The following ZNF518A variants were observed in gnomAD, a reference collection of about 807,000 sequenced individuals.
ZNF518A encodes zinc finger protein 518A.
Under a neutral mutation model 102.7 loss-of-function variants are expected in ZNF518A, and 47 were observed. The observed-to-expected ratio is 0.46, with a 90% CI of 0.36 to 0.58. The LOEUF (loss-of-function observed/expected upper bound fraction) is 0.58. ZNF518A is among the 20% of genes least tolerant of loss of function. The pLI is 0.00. For synonymous variants in ZNF518A, 652 were observed against 594.6 expected (o/e 1.10, Z -1.40); for missense variants, 1,793 against 1,699.8 (o/e 1.05, Z -0.96).
chr10:96,176,748 T>C (rs2083206736), intron 1 of ZNF518A, among the ~76,000 whole-genome samples: 1 of 150,410 alleles, frequency 6.6e-6, no homozygotes, highest in Admixed American at 6.6e-5. Flanking sequence ...ATACAAAAAT[T>C]AGCTGGGCGT....
intron 1 of ZNF518A, chr10:96,189,235 G>A (rs2083292787): frequency 1.8e-5 from 7 of 378,674 alleles, no homozygotes; most frequent in Non-Finnish European, 3.5e-5. Flanking sequence ...ATGGAACCTG[G>A]ACAACATTTA....
chr10:96,184,754 C>G (rs1041871945), intron 1 of ZNF518A, among the ~76,000 whole-genome samples: 1 of 152,136 alleles, frequency 6.6e-6, no homozygotes, highest in Non-Finnish European at 1.5e-5. Context: ...TCATTTCAAC[C>G]TTGGTGAATC....
In ZNF518A at chr10:96,158,755, T is replaced by G; in HGVS notation, c.2433T>G (p.Leu811=). Residue 811 remains leucine (L), a synonymous_variant, in exon 6 of 6, where the codon CTT becomes CTG. Transcript: ENST00000316045. ...SSNTPNKGLP[L]HCDQSFQKHE... ...ACACTCCAAATAAAGGCTTGCCACT[T>G]CATTGTGACCAGTCATTTCAAAAAC... 6.2e-7 allele frequency: 1 copy of G among 1,613,330 alleles called. No individual in the cohort carries two copies. The highest frequency in any genetic ancestry group is 2.2e-5 in the East Asian group (1 of 44,862).
chr10:96,158,980 ATTAC>A lies in ZNF518A; in HGVS notation c.2662_2665del (p.Leu888ArgfsTer7), dbSNP rs2082852749. On this transcript the variant is annotated frameshift_variant, in exon 6 of 6. Transcript: ENST00000316045. LOFTEE classifies it high-confidence loss of function. ...TGCCTAGAATTTCAGGTTTTGGCAC[ATTAC>A]TTAAGACTCAGTCAGATGCGATAAT... 1 of 1,613,478 alleles carries A rather than the reference ATTAC, an allele frequency of 6.2e-7. No individual in the cohort carries two copies.
intron 1 of ZNF518A, chr10:96,197,002 A>G: frequency 6.2e-7 from 1 of 1,612,866 alleles, no homozygotes; most frequent in Non-Finnish European, 8.5e-7. Flanking sequence ...AAAGAATACA[A>G]CTAGTGTATA....
At chr10:96,129,890 G>A, upstream of ZNF518A, 1 of 152,528 alleles carries the variant, frequency 6.6e-6, no homozygotes, top group Non-Finnish European at 1.5e-5. Context: ...CGCCGGGGCC[G>A]CGCGCTAGAT....
downstream of ZNF518A, among the ~76,000 whole-genome samples, chr10:96,164,896 T>A (rs1283474588): frequency 6.6e-6 from 1 of 152,230 alleles, no homozygotes; most frequent in East Asian, 1.9e-4. Flanking sequence ...ATGAAATACA[T>A]CTTTCAATTA....
At chr10:96,181,756 T>G (rs2083241678) in intron 1 of ZNF518A, among the ~76,000 whole-genome samples, 1 of 152,210 alleles carries the variant, frequency 6.6e-6, no homozygotes, top group Admixed American at 6.5e-5. Context: ...TAGTATAGTT[T>G]GAAGTCAGGT....
intron 1 of ZNF518A, chr10:96,201,022 G>A (rs138558972): frequency 6.2e-7 from 1 of 1,614,072 alleles, no homozygotes; most frequent in Non-Finnish European, 8.5e-7. Context: ...GCTGGGTAGG[G>A]GCCCATCCAC....
chr10:96,139,949 C>T (rs911104620), intron 3 of ZNF518A, among the ~76,000 whole-genome samples: 1 of 150,496 alleles, frequency 6.6e-6, no homozygotes, highest in Non-Finnish European at 1.5e-5. Context: ...ACCTCCACCT[C>T]CCGGGTTCAA....
intron 1 of ZNF518A, among the ~76,000 whole-genome samples, chr10:96,198,822 C>T (rs1316739088): frequency 6.6e-6 from 1 of 152,190 alleles, no homozygotes; most frequent in African/African-American, 2.4e-5. Flanking sequence ...CTTCAGCCTC[C>T]GGAGGAGCTG....
chr10:96,137,218 C>T (rs1250048899), intron 3 of ZNF518A, among the ~76,000 whole-genome samples: 1 of 151,404 alleles, frequency 6.6e-6, no homozygotes, highest in Non-Finnish European at 1.5e-5. Flanking sequence ...TCCGTTCTAA[C>T]CTGAAGGACT....
downstream of ZNF518A, chr10:96,204,599 C>G (rs1554896986): frequency 6.2e-7 from 1 of 1,614,008 alleles, no homozygotes; most frequent in Admixed American, 1.7e-5. Context: ...CGGTGGCGTT[C>G]AGCAGGTATA....
chr10:96,158,418 C>A lies in ZNF518A; in HGVS notation c.2096C>A (p.Ser699Tyr). The A allele has an allele frequency of 6.2e-7, 1 of 1,613,384 alleles. No individual in the cohort carries two copies. Among genetic ancestry groups the A allele is most frequent in the Non-Finnish European group, 8.5e-7 (1 of 1,179,698 alleles). The change falls in exon 6 of 6, where the codon TCT becomes TAT. Residue 699 changes from serine (S) to tyrosine (Y), a missense_variant. By Grantham distance (144) the Ser-to-Tyr change is moderately radical (BLOSUM62 -2). Transcript: ENST00000316045. ...TCAAAACCAGATAGCCTATTAGCAT[C>A]TATTAGCCTTTTAAATGATAAAGAT... The part of the protein sequence containing the change: ...ESSKPDSLLA[S>Y]ISLLNDKDGT...
chr10:96,133,322 G>A (rs1378500586), intron 2 of ZNF518A, among the ~76,000 whole-genome samples: 1 of 152,134 alleles, frequency 6.6e-6, no homozygotes, highest in Non-Finnish European at 1.5e-5. Context: ...TATCTGATAT[G>A]TGTTTATATT....
chr10:96,159,662 A>G lies in ZNF518A; in HGVS notation c.3340A>G (p.Lys1114Glu). 1.2e-6 allele frequency: 2 copies of G among 1,613,674 alleles called. No individual in the cohort carries two copies. Among genetic ancestry groups the G allele is most frequent in the South Asian group, 2.2e-5 (2 of 91,084 alleles). ...TTTTTTAAAGTGTGTGATGCCAAAT[A>G]AAACTGAGCTGCTTAAGCCCAAATT... is the stretch of plus-strand genomic sequence containing the variant. The part of the protein sequence containing the change: ...AVFLKCVMPN[K>E]TELLKPKLVQ... The change falls in exon 6 of 6, where the codon AAA becomes GAA. Residue 1114 changes from lysine to glutamate, a missense_variant. By Grantham distance (56) the Lys-to-Glu change is moderately conservative. Around this residue, in one of 3 missense-constraint regions of ZNF518A, gnomAD observed 1,741 missense variants for 1,622.6 expected, o/e 1.07. Coordinates refer to ENST00000316045, the MANE Select transcript of ZNF518A (RefSeq NM_001330736.2).
In ZNF518A at chr10:96,162,353, C is replaced by T. The variant is rs587668937; in HGVS notation, c.*1579C>T. The T allele has an allele frequency of 1.8e-5, 3 of 166,802 alleles. No homozygotes were observed. Among genetic ancestry groups the T allele is most frequent in the South Asian group, 4.1e-4 (2 of 4,826 alleles). The allele number at this position is 166,802 out of a possible 1,614,324, so 10.3% of individuals were successfully genotyped here. On this transcript the variant is annotated 3_prime_UTR_variant, in exon 6 of 6. Transcript: ENST00000316045. ...GTAGATTTTGTTTTTGAGGTAAATT[C>T]GTTCTTCAGGGATTGAACACTATTG...
intron 1 of ZNF518A, among the ~76,000 whole-genome samples, chr10:96,132,382 T>G (rs1554872317): frequency 1.3e-5 from 2 of 152,042 alleles, no homozygotes; most frequent in Non-Finnish European, 2.9e-5. Context: ...TGAGTTAGAT[T>G]GATTCTAAGC....
chr10:96,137,510 T>C (rs1445711840), intron 3 of ZNF518A, among the ~76,000 whole-genome samples: 1 of 152,226 alleles, frequency 6.6e-6, no homozygotes, highest in East Asian at 1.9e-4. Context: ...CCAGTGATCT[T>C]CACATTAAGT....
Sources: gnomAD v4.1 joint callset for allele counts (sites outside exome capture counted in the v4.1 genomes callset) on GRCh38, gnomAD v4.1.1 for gene constraint, gnomAD v4.1.1 regional missense constraint, MANE v1.5 for transcripts, NCBI Gene and HGNC (gene_info 2026-07-23, HGNC 2026-07-21) for gene names.